SLC25A48: variants seen among roughly 807,000 people sequenced by gnomAD.
SLC25A48 encodes CTC-321K16.1.
In SLC25A48, 29 loss-of-function variants were observed where a neutral mutation model predicts 32.2. The observed-to-expected ratio is 0.90, with a 90% CI of 0.67 to 1.23. SLC25A48 has a LOEUF of 1.23. Ranked by LOEUF, SLC25A48 falls within the 50% of genes most tolerant of loss-of-function variation. SLC25A48 has a pLI of 0.00. For synonymous variants in SLC25A48, 164 were observed against 172.3 expected (o/e 0.95, Z 0.38); for missense variants, 399 against 422.7 (o/e 0.94, Z 0.49).
Position 135,706,801 on chromosome 5 carries a change from G to C in SLC25A48, c.-521+71845G>C, listed in dbSNP as rs1416221633. 2.6e-5 allele frequency among the ~76,000 whole-genome samples: 4 copies of C among 152,234 alleles called. 1 individual carries two copies. Among genetic ancestry groups the C allele is most frequent in the Non-Finnish European group, 5.9e-5 (4 of 68,040 alleles). On this transcript the variant is annotated intron_variant, in intron 3 of 10. Transcript: ENST00000646290. ...CCGATTGGGTCTGCATGACAGGCAGGTCATGACACATGTCACGAAAGAGAT... is the reference window on the plus strand; with the variant it reads ...CCGATTGGGTCTGCATGACAGGCAGCTCATGACACATGTCACGAAAGAGAT...
rs368090302 is a variant in SLC25A48, at chr5:135,780,658, C to T, written c.-520-31865C>T. On this transcript the variant is annotated intron_variant, in intron 3 of 10. Coordinates refer to the SLC25A48 transcript ENST00000646290. ...TGGGGGGGGAGGAGATGATATTATT[C>T]CCAATGTCATAAAGGGTATATATTC... Among the ~76,000 whole-genome samples, 6 of 115,966 alleles carry T rather than the reference C, an allele frequency of 5.2e-5. 1 individual carries two copies. Among genetic ancestry groups the T allele is most frequent in the African/African-American group, 1.6e-4 (6 of 38,228 alleles). The allele number at this position is 115,966 out of a possible 152,430, so 76.1% of individuals were successfully genotyped here.
chr5:135,654,341 C>G (rs1381989886), intron 3 of SLC25A48, among the ~76,000 whole-genome samples: 1 of 152,160 alleles, frequency 6.6e-6, no homozygotes, highest in Non-Finnish European at 1.5e-5. Context: ...TTCCAATATT[C>G]TATAAGGCCA....
chr5:135,785,970 T>TGG (rs1199796198), intron 3 of SLC25A48, among the ~76,000 whole-genome samples: 1 of 150,664 alleles, frequency 6.6e-6, no homozygotes, highest in Non-Finnish European at 1.5e-5. Flanking sequence ...TTACGGCCCA[T>TGG]GGGGCGGGGG....
chr5:135,784,051 G>A (rs1756781033), intron 3 of SLC25A48, among the ~76,000 whole-genome samples: 2 of 117,966 alleles, frequency 1.7e-5, no homozygotes, highest in African/African-American at 5.2e-5. Flanking sequence ...AAGAGAGGGT[G>A]ATATTCCTGT....
intron 3 of SLC25A48, among the ~76,000 whole-genome samples, chr5:135,810,490 T>G (rs1411458975): frequency 6.6e-6 from 1 of 152,222 alleles, no homozygotes; most frequent in African/African-American, 2.4e-5. Flanking sequence ...CTGCCTGATC[T>G]GTCTCCCTCT....
intron 3 of SLC25A48, among the ~76,000 whole-genome samples, chr5:135,650,780 G>A (rs748151089): frequency 1.2e-4 from 19 of 152,252 alleles, no homozygotes; most frequent in South Asian, 4.1e-4. Context: ...ATCTTTGTGC[G>A]TGTGTATGTG....
intron 4 of SLC25A48, among the ~76,000 whole-genome samples, chr5:135,871,060 GACACACACACACACACACACACACAC>G (rs10569008): frequency 9.4e-5 from 13 of 137,608 alleles, no homozygotes; most frequent in Non-Finnish European, 1.6e-4. Flanking sequence ...TGTGTACACA[GACACACACACACACACACACACACAC>G]ACACACACAC....
intron 3 of SLC25A48, among the ~76,000 whole-genome samples, chr5:135,748,150 A>G (rs1174606253): frequency 3.3e-5 from 5 of 152,194 alleles, no homozygotes; most frequent in Non-Finnish European, 7.3e-5. Context: ...TTTCCATCTT[A>G]CAGGTGATAA....
At chr5:135,868,176 A>G (rs1761348073) in intron 4 of SLC25A48, among the ~76,000 whole-genome samples, 1 of 152,214 alleles carries the variant, frequency 6.6e-6, no homozygotes, top group African/African-American at 2.4e-5. Context: ...AAACAAAAAT[A>G]AGAGGCCAGA....
chr5:135,757,972 T>C (rs1177045750), intron 3 of SLC25A48, among the ~76,000 whole-genome samples: 1 of 150,704 alleles, frequency 6.6e-6, no homozygotes, highest in East Asian at 2.0e-4. Flanking sequence ...TTTAACACAC[T>C]ATGATATTAA....
chr5:135,854,170 G>A (rs1455432093), intron 4 of SLC25A48, among the ~76,000 whole-genome samples: 1 of 152,220 alleles, frequency 6.6e-6, no homozygotes, highest in Admixed American at 6.5e-5. Flanking sequence ...AACACACAGA[G>A]CAGATTGATT....
Position 135,660,311 on chromosome 5 carries a change from G to A in SLC25A48, c.-521+25355G>A, listed in dbSNP as rs1427079102. On this transcript the variant is annotated intron_variant, in intron 3 of 10. Coordinates refer to the SLC25A48 transcript ENST00000646290. ...GATACAATCAAGATGCAGTGAGTTC[G>A]ATCACCACCATAATCCAACCCCACC... Among the ~76,000 whole-genome samples, 5 of 152,104 alleles carry A rather than the reference G, an allele frequency of 3.3e-5. No individual in the cohort carries two copies. In the South Asian group the frequency reaches 1.0e-3, roughly 32 times the overall value.
chr5:135,845,879 C>A (rs974757303), intron 2 of SLC25A48, among the ~76,000 whole-genome samples: 18 of 152,174 alleles, frequency 1.2e-4, no homozygotes, highest in African/African-American at 4.3e-4. Context: ...GCTGCGTGGT[C>A]TTAGGTTGAG....
chr5:135,794,894 G>T (rs1163769741), intron 3 of SLC25A48, among the ~76,000 whole-genome samples: 3 of 151,784 alleles, frequency 2.0e-5, no homozygotes, highest in East Asian at 3.9e-4. Context: ...TTTTGATATT[G>T]TTTCTCATAT....
chr5:135,596,366 A>C (rs1161460978), intron 1 of SLC25A48, among the ~76,000 whole-genome samples: 1 of 152,246 alleles, frequency 6.6e-6, no homozygotes, highest in Non-Finnish European at 1.5e-5. Flanking sequence ...TGTTGAACTT[A>C]TGCACAGAGA....
chr5:135,629,920 G>C lies in SLC25A48; in HGVS notation c.-709+544G>C, dbSNP rs1752517720. ...CACAGGCATGACATGAGAATGAGGA[G>C]GAGAAACGGGCAAGGCACCAGCAGT... On this transcript the variant is annotated intron_variant, in intron 2 of 10. Transcript: ENST00000646290. The surrounding 1 kb of genome is among the most constrained non-coding windows in gnomAD (Gnocchi z 4.8). Among the ~76,000 whole-genome samples, 1 of 152,196 alleles carries C rather than the reference G, an allele frequency of 6.6e-6. No individual in the cohort carries two copies. Among genetic ancestry groups the C allele is most frequent in the Non-Finnish European group, 1.5e-5 (1 of 68,038 alleles).
chr5:135,881,906 C>G (rs1241530776), intron 7 of SLC25A48, among the ~76,000 whole-genome samples: 1 of 152,190 alleles, frequency 6.6e-6, no homozygotes. Context: ...GTCATGAAAT[C>G]TTCAGCTACA....
At chr5:135,613,674 T>C (rs1038666360) in intron 1 of SLC25A48, among the ~76,000 whole-genome samples, 4 of 152,190 alleles carry the variant, frequency 2.6e-5, no homozygotes, top group African/African-American at 9.6e-5. Context: ...TCCACTCTTC[T>C]CAGCACCATT....
At chr5:135,795,382 T>C (rs574044946) in intron 3 of SLC25A48, among the ~76,000 whole-genome samples, 1 of 151,876 alleles carries the variant, frequency 6.6e-6, no homozygotes, top group African/African-American at 2.4e-5. Flanking sequence ...AAAATAATAT[T>C]AATCCCAATA....
Sources: gnomAD v4.1 joint callset for allele counts (sites outside exome capture counted in the v4.1 genomes callset) on GRCh38, gnomAD v4.1.1 for gene constraint, Gnocchi (gnomAD v3.1) non-coding constraint, MANE v1.5 for transcripts, NCBI Gene and HGNC (gene_info 2026-07-23, HGNC 2026-07-21) for gene names.